NRXN3: variants seen among roughly 807,000 people sequenced by gnomAD.
NRXN3 encodes neurexin 3.
NRXN3 carries 32 observed loss-of-function variants against 137.6 expected under a neutral mutation model. That is an observed-to-expected ratio of 0.23 (90% CI 0.18 to 0.31). The LOEUF (loss-of-function observed/expected upper bound fraction) is 0.31, where lower values mean the gene tolerates loss of function less well. NRXN3 is among the 10% of genes least tolerant of loss of function. The pLI is 1.00. For missense variants in NRXN3, 1,574 were observed against 2,062.5 expected, an observed-to-expected ratio of 0.76 and a Z score of 4.59; for synonymous variants, 798 against 784.5, an observed-to-expected ratio of 1.02 and a Z score of -0.29.
chr14:79,320,298 A>G (rs1174786130), intron 15 of NRXN3, among the ~76,000 whole-genome samples: 4 of 152,208 alleles, frequency 2.6e-5, no homozygotes, highest in Non-Finnish European at 4.4e-5. Flanking sequence ...AGGAAATGCT[A>G]TCAGTAGACT....
chr14:78,172,660 A>G (rs529356030), intron 1 of NRXN3, among the ~76,000 whole-genome samples: 5 of 151,744 alleles, frequency 3.3e-5, no homozygotes, highest in Admixed American at 1.3e-4. Flanking sequence ...GAAGGGGGGG[A>G]AAAGGCTGGA....
chr14:79,296,015 A>C (rs1372626148), intron 15 of NRXN3, among the ~76,000 whole-genome samples: 1 of 152,184 alleles, frequency 6.6e-6, no homozygotes, highest in Non-Finnish European at 1.5e-5. Context: ...CCTTGCCTAC[A>C]AGAGGTTCAC....
chr14:78,816,511 G>A (rs1161191831), intron 10 of NRXN3, among the ~76,000 whole-genome samples: 2 of 151,954 alleles, frequency 1.3e-5, no homozygotes, highest in South Asian at 2.1e-4. Flanking sequence ...CCGTCTAATA[G>A]CCACATAACA....
intron 15 of NRXN3, among the ~76,000 whole-genome samples, chr14:79,263,860 C>T (rs147469881): frequency 1.3e-5 from 2 of 152,212 alleles, no homozygotes; most frequent in African/African-American, 4.8e-5. Context: ...GTAAATGACA[C>T]CACCTTGGAG....
intron 10 of NRXN3, among the ~76,000 whole-genome samples, chr14:78,846,523 C>CT (rs2099027532): frequency 6.6e-6 from 1 of 152,084 alleles, no homozygotes; most frequent in Non-Finnish European, 1.5e-5. Context: ...CTGCTTACAG[C>CT]TGCTTTTATG....
intron 4 of NRXN3, among the ~76,000 whole-genome samples, chr14:78,481,690 G>A (rs1328986483): frequency 6.6e-6 from 1 of 152,134 alleles, no homozygotes; most frequent in Non-Finnish European, 1.5e-5. Context: ...CAATCTTCAA[G>A]CCTTTTTATC....
At chr14:79,402,076 C>T (rs916505294) in intron 15 of NRXN3, among the ~76,000 whole-genome samples, 2 of 152,016 alleles carry the variant, frequency 1.3e-5, no homozygotes, top group Admixed American at 6.6e-5. Context: ...GCTGCAACAC[C>T]TGGCTATTTT....
chr14:79,154,720 C>A (rs972739237), intron 15 of NRXN3, among the ~76,000 whole-genome samples: 96 of 151,894 alleles, frequency 6.3e-4, no homozygotes, highest in African/African-American at 2.2e-3. Context: ...TTCAAAGGAG[C>A]AATTCAGGCA....
intron 1 of NRXN3, 53 bp downstream of exon 1, chr14:78,170,727 C>G (rs2058640501): frequency 6.6e-6 from 1 of 152,198 alleles, no homozygotes; most frequent in South Asian, 2.1e-4. Flanking sequence ...ACTCAAGGTT[C>G]TTGTCCGTTC....
At chr14:79,650,317 A>T (rs1603343199) in intron 16 of NRXN3, among the ~76,000 whole-genome samples, 1 of 152,298 alleles carries the variant, frequency 6.6e-6, no homozygotes, top group Admixed American at 6.5e-5. Flanking sequence ...TGGAAATATT[A>T]TATGGGAACG....
At chr14:79,120,042 C>T (rs1322628183) in intron 15 of NRXN3, among the ~76,000 whole-genome samples, 2 of 151,870 alleles carry the variant, frequency 1.3e-5, no homozygotes, top group African/African-American at 4.8e-5. Context: ...ATGACTTTTT[C>T]ACAAACTTAG....
At chr14:78,586,881 C>T (rs895379264) in intron 4 of NRXN3, among the ~76,000 whole-genome samples, 5 of 152,200 alleles carry the variant, frequency 3.3e-5, no homozygotes, top group Admixed American at 1.3e-4. Flanking sequence ...TTTATAGGCT[C>T]CTGCGGGCCT....
At chr14:78,416,174 C>T (rs762181618) in intron 4 of NRXN3, among the ~76,000 whole-genome samples, 12 of 152,124 alleles carry the variant, frequency 7.9e-5, no homozygotes, top group Non-Finnish European at 1.6e-4. Context: ...GACTATCTCT[C>T]TTGGATACAT....
chr14:79,622,155 A>G (rs2153900995), intron 16 of NRXN3, among the ~76,000 whole-genome samples: 1 of 152,298 alleles, frequency 6.6e-6, no homozygotes, highest in African/African-American at 2.4e-5. Context: ...TTTAGCTCAT[A>G]GTCCATGCAG....
intron 5 of NRXN3, chr14:78,649,190 C>A: frequency 9.7e-7 from 1 of 1,029,940 alleles, no homozygotes; most frequent in Non-Finnish European, 1.4e-6. Context: ...AACGACTCAT[C>A]TTTGTTTTTA....
intron 10 of NRXN3, among the ~76,000 whole-genome samples, chr14:78,834,372 C>T (rs1004982700): frequency 2.6e-5 from 4 of 151,984 alleles, no homozygotes; most frequent in Non-Finnish European, 1.5e-5. Flanking sequence ...CCTTGAAATC[C>T]CTTTCCTGAA....
chr14:79,832,427 C>T (rs1486565520), intron 20 of NRXN3, among the ~76,000 whole-genome samples: 1 of 152,128 alleles, frequency 6.6e-6, no homozygotes, highest in African/African-American at 2.4e-5. Context: ...GTCTTTATGA[C>T]CCTGAGCCGG....
At chr14:79,329,079 G>C (rs1228130137) in intron 15 of NRXN3, among the ~76,000 whole-genome samples, 1 of 152,132 alleles carries the variant, frequency 6.6e-6, no homozygotes, top group African/African-American at 2.4e-5. Flanking sequence ...TTCTTTCTGT[G>C]TTCAAAGCAA....
rs145994619 is a variant in NRXN3 at position 79,207,912 on chromosome 14, G to A, written c.3262+219771G>A. Among the ~76,000 whole-genome samples, 291 of 152,072 alleles carry A rather than the reference G, an allele frequency of 1.9e-3. 4 individuals are homozygous for A. Among genetic ancestry groups the A allele is most frequent in the African/African-American group, 6.8e-3 (282 of 41,530 alleles). Reference sequence around the variant, plus strand: ...AAATATATAAAAAGCACTGTTCTATGTGTTTTAAAAATACTAACACATTGA... The same window carrying A: ...AAATATATAAAAAGCACTGTTCTATATGTTTTAAAAATACTAACACATTGA... On this transcript the variant is annotated intron_variant, in intron 15 of 20. Transcript: ENST00000335750.
Sources: gnomAD v4.1 joint callset for allele counts (sites outside exome capture counted in the v4.1 genomes callset) on GRCh38, gnomAD v4.1.1 for gene constraint, MANE v1.5 for transcripts, NCBI Gene and HGNC (gene_info 2026-07-23, HGNC 2026-07-21) for gene names.